OPA1: variants seen among roughly 807,000 people sequenced by gnomAD.
The protein encoded by OPA1 is OPA1 mitochondrial dynamin like GTPase.
A neutral mutation model predicts 152.9 loss-of-function variants in OPA1; 59 were observed. The ratio of observed to expected loss-of-function variants is 0.39; its 90% CI spans 0.31 to 0.48. The LOEUF is 0.48. Ranked by LOEUF, OPA1 falls within the 20% of genes least tolerant of loss-of-function variation. The pLI is 0.96. For synonymous variants in OPA1, 400 were observed against 389.9 expected (o/e 1.03, Z -0.31); for missense variants, 1,008 against 1,216.8 (o/e 0.83, Z 2.55).
In OPA1 at chr3:193,697,806, A is replaced by G. The variant is rs1214991492; in HGVS notation, c.*3206A>G. The G allele has an allele frequency of 6.6e-6, 1 of 152,190 alleles. No individual in the cohort carries two copies. The highest frequency in any genetic ancestry group is 1.5e-5 in the Non-Finnish European group (1 of 68,028). 9.4% of individuals were successfully genotyped at this position (152,190 alleles called of 1,614,324 possible). On this transcript the variant is annotated 3_prime_UTR_variant, in exon 31 of 31. Coordinates refer to ENST00000361510, the MANE Select transcript of OPA1 (RefSeq NM_130837.3). Reference sequence around the variant, plus strand: ...TAAAATATATAAAAAAGGTTTTCTAATTTCACTTTGCTGCCAAGGCTGTCA... The same window carrying G: ...TAAAATATATAAAAAAGGTTTTCTAGTTTCACTTTGCTGCCAAGGCTGTCA...
intron 9 of OPA1, 86 bp downstream of exon 9, chr3:193,635,608 A>G (rs1732812110): frequency 1.2e-6 from 1 of 808,116 alleles, no homozygotes; most frequent in Non-Finnish European, 2.2e-6. Flanking sequence ...GGAGCTGTAA[A>G]GTATTCTGTC....
chr3:193,620,676 C>T (rs555617168), intron 6 of OPA1, among the ~76,000 whole-genome samples: 2 of 152,026 alleles, frequency 1.3e-5, no homozygotes, highest in Non-Finnish European at 2.9e-5. Flanking sequence ...AATTAAGCTA[C>T]TTTCATTACT....
At chr3:193,657,276 T>C in intron 23 of OPA1, 44 bp downstream of exon 23, 5 of 1,587,758 alleles carry the variant, frequency 3.1e-6, no homozygotes, top group Non-Finnish European at 3.5e-6. Context: ...TATTTTTATA[T>C]AACTTCTCAA....
At chr3:193,660,272 T>C (rs1243106926) in intron 25 of OPA1, among the ~76,000 whole-genome samples, 3 of 152,200 alleles carry the variant, frequency 2.0e-5, no homozygotes, top group Non-Finnish European at 4.4e-5. Context: ...TTATAGCTTC[T>C]TTTCCTATCT....
Position 193,644,084 on chromosome 3 carries a change from A to G in OPA1, c.1587A>G (p.Lys529=). ...TGACCAAAGTAGACCTGGCAGAGAA[A>G]AATGTAGCCAGTCCAAGCAGGGTGA... ...FVLTKVDLAE[K]NVASPSRIQQ... Residue 529 remains lysine (K), a synonymous_variant, in exon 16 of 31, where the codon AAA becomes AAG. Coordinates refer to ENST00000361510, the MANE Select transcript of OPA1 (RefSeq NM_130837.3). The G allele has an allele frequency of 1.2e-6, 2 of 1,613,866 alleles. No individual in the cohort carries two copies. Among genetic ancestry groups the G allele is most frequent in the Non-Finnish European group, 1.7e-6 (2 of 1,179,792 alleles).
At chr3:193,690,213 G>T (rs142062385) in intron 29 of OPA1, among the ~76,000 whole-genome samples, 1 of 150,362 alleles carries the variant, frequency 6.7e-6, no homozygotes, top group African/African-American at 2.4e-5. Context: ...AGTTTCTCTA[G>T]TTTAATTTTA....
intron 24 of OPA1, 86 bp downstream of exon 24, chr3:193,659,081 T>C: frequency 1.1e-6 from 1 of 938,640 alleles, no homozygotes; most frequent in South Asian, 1.3e-5. Context: ...AGAAATAGAT[T>C]GAACATTTCA....
At chr3:193,663,979 G>A (rs192925087) in intron 26 of OPA1, among the ~76,000 whole-genome samples, 39 of 152,168 alleles carry the variant, frequency 2.6e-4, no homozygotes, top group East Asian at 1.7e-3. Context: ...TATGTGGCAC[G>A]TTGGTGAATA....
At chr3:193,630,361 AAAAAG>A (rs1329965876) in intron 7 of OPA1, among the ~76,000 whole-genome samples, 2 of 152,212 alleles carry the variant, frequency 1.3e-5, no homozygotes, top group African/African-American at 4.8e-5. Flanking sequence ...CTTTTAAGGA[AAAAAG>A]AAAAAAAGAG....
In OPA1 at chr3:193,596,306, T is replaced by TTTCCTTTCCTTTCCTTTCCTTTCC. The variant is rs1725498335; in HGVS notation, c.32+2899_32+2900insCCTTTCCTTTCCTTTCCTTTCCTT. Among the ~76,000 whole-genome samples the TTTCCTTTCCTTTCCTTTCCTTTCC allele has an allele frequency of 7.6e-5, 8 of 105,408 alleles. No individual in the cohort carries two copies. In the South Asian group the frequency reaches 1.7e-3, roughly 23 times the overall value. The allele number at this position is 105,408 out of a possible 152,430, so 69.2% of individuals were successfully genotyped here. On this transcript the variant is annotated intron_variant, in intron 1 of 30. Coordinates refer to ENST00000361510, the MANE Select transcript of OPA1 (RefSeq NM_130837.3). Reference sequence around the variant, plus strand: ...ATTGGCCATCGCAACTTTTCTTTTCTTTTCCTTTCCTTTCCTTTCCTTTCC... The same window carrying TTTCCTTTCCTTTCCTTTCCTTTCC: ...ATTGGCCATCGCAACTTTTCTTTTCTTTCCTTTCCTTTCCTTTCCTTTCCTTTCCTTTCCTTTCCTTTCCTTTCC...
chr3:193,596,407 T>TTTCTTTTGTTTTCTTTTC, intron 1 of OPA1, among the ~76,000 whole-genome samples: 1 of 101,876 alleles, frequency 9.8e-6, no homozygotes, highest in Middle Eastern at 4.7e-3. Flanking sequence ...TTTCTTTTCT[T>TTTCTTTTGTTTTCTTTTC]TTCTTTTCTT....
At chr3:193,656,778 G>T (rs1030813762) in intron 22 of OPA1, among the ~76,000 whole-genome samples, 1 of 152,114 alleles carries the variant, frequency 6.6e-6, no homozygotes, top group African/African-American at 2.4e-5. Flanking sequence ...AAGAGAAGCC[G>T]TAAATGCAGA....
Position 193,688,444 on chromosome 3 carries a change from C to CTTTT in OPA1, c.2984-3618_2984-3615dup, listed in dbSNP as rs1560079327. On this transcript the variant is annotated intron_variant, in intron 29 of 30. Coordinates refer to ENST00000361510, the MANE Select transcript of OPA1 (RefSeq NM_130837.3). ...TTCCCTGATTTTTACTGAAATGGGT[C>CTTTT]TTTTCTTTTTTTTTTTTTTTTTTTT... is the stretch of plus-strand genomic sequence containing the variant. Among the ~76,000 whole-genome samples the CTTTT allele has an allele frequency of 4.7e-4, 18 of 38,520 alleles. 7 individuals carry two copies. Among genetic ancestry groups the CTTTT allele is most frequent in the Admixed American group, 3.6e-4 (1 of 2,756 alleles). The allele number at this position is 38,520 out of a possible 152,430, so 25.3% of individuals were successfully genotyped here. A position where few individuals can be genotyped will look rare whatever the true frequency, so the allele number is the denominator to read the frequency against.
At chr3:193,615,395 G>C (rs1728862001) in intron 2 of OPA1, among the ~76,000 whole-genome samples, 1 of 152,190 alleles carries the variant, frequency 6.6e-6, no homozygotes, top group Admixed American at 6.5e-5. Context: ...CTGTCTCCCA[G>C]TCTGTCTTCC....
intron 21 of OPA1, among the ~76,000 whole-genome samples, chr3:193,649,263 A>G (rs1711807772): frequency 6.6e-6 from 1 of 152,156 alleles, no homozygotes; most frequent in African/African-American, 2.4e-5. Context: ...TGCTTTCTGT[A>G]ACATGTGGTT....
rs146681655 is a variant in OPA1, at chr3:193,603,248, G to A, written c.32+9839G>A. Among the ~76,000 whole-genome samples, 274 of 152,286 alleles carry A rather than the reference G, an allele frequency of 1.8e-3. 1 individual carries two copies. The highest frequency in any genetic ancestry group is 2.6e-3 in the Non-Finnish European group (176 of 68,020). Reference sequence around the variant, plus strand: ...GGCCCTTTGTGAGTCTTTGCTTCACGTTAAATTTACATCCTTTTAGATACC... The same window carrying A: ...GGCCCTTTGTGAGTCTTTGCTTCACATTAAATTTACATCCTTTTAGATACC... On this transcript the variant is annotated intron_variant, in intron 1 of 30. Transcript: ENST00000361510.
chr3:193,610,378 C>A (rs1402802538), intron 1 of OPA1, among the ~76,000 whole-genome samples: 1 of 152,168 alleles, frequency 6.6e-6, no homozygotes, highest in Non-Finnish European at 1.5e-5. Flanking sequence ...GATGTTGCTG[C>A]CTGATCGTTC....
intron 6 of OPA1, 143 bp downstream of exon 6, chr3:193,619,079 G>A: frequency 1.4e-6 from 1 of 712,438 alleles, no homozygotes; most frequent in South Asian, 1.6e-5. Context: ...TAATCTTAGT[G>A]CAAAGTACAA....
At chr3:193,619,278 A>G (rs1289432865) in intron 6 of OPA1, among the ~76,000 whole-genome samples, 1 of 152,210 alleles carries the variant, frequency 6.6e-6, no homozygotes, top group Non-Finnish European at 1.5e-5. Flanking sequence ...ATACTGTAAT[A>G]TACTCATGCG....
Sources: gnomAD v4.1 joint callset for allele counts (sites outside exome capture counted in the v4.1 genomes callset) on GRCh38, gnomAD v4.1.1 for gene constraint, MANE v1.5 for transcripts, NCBI Gene and HGNC (gene_info 2026-07-23, HGNC 2026-07-21) for gene names.